CHD6: variants seen among roughly 807,000 people sequenced by gnomAD.
The protein encoded by CHD6 is ATP-dependent chromatin remodeler CHD6.
A neutral mutation model predicts 276.9 loss-of-function variants in CHD6; 50 were observed. The observed-to-expected ratio is 0.18, with a 90% CI of 0.14 to 0.23. The LOEUF (loss-of-function observed/expected upper bound fraction) is 0.23, where lower values mean the gene tolerates loss of function less well. Among genes scored for constraint, CHD6 ranks in the 10% least tolerant of loss-of-function variants. The pLI, the probability that CHD6 is intolerant of heterozygous loss-of-function variation, is 1.00. For missense variants in CHD6, 2,564 were observed against 3,365.8 expected, an observed-to-expected ratio of 0.76 and a Z score of 5.89; for synonymous variants, 1,173 against 1,229.3, an observed-to-expected ratio of 0.95 and a Z score of 0.96.
Position 41,447,948 on chromosome 20 carries a change from A to C in CHD6, c.3707T>G (p.Leu1236Arg), listed in dbSNP as rs1334895977. The C allele has an allele frequency of 6.2e-7, 1 of 1,611,398 alleles. No homozygotes were observed. The highest frequency in any genetic ancestry group is 1.7e-5 in the Admixed American group (1 of 59,626). ...CNKVLLRVRM[L>R]YYLKAEILGE... ...CAGTATTTCAGCTTTTAGGTAGTAC[A>C]GCATCCGGACTCGCAAAAGTACTCT... The change falls in exon 24 of 37, where the codon CTG becomes CGG. Residue 1236 changes from leucine (L) to arginine (R), a missense_variant. By Grantham distance (102) the Leu-to-Arg change is moderately radical (BLOSUM62 -2). Coordinates refer to ENST00000373233, the MANE Select transcript of CHD6 (RefSeq NM_032221.5).
At chr20:41,599,868 T>C (rs539623405) in intron 1 of CHD6, among the ~76,000 whole-genome samples, 109 of 152,276 alleles carry the variant, frequency 7.2e-4, no homozygotes, top group Non-Finnish European at 1.1e-3. Context: ...TTGGCCTTAT[T>C]CCATTTTAAA....
Position 41,415,599 on chromosome 20 carries a change from T to C in CHD6, c.6526A>G (p.Lys2176Glu). Reference sequence around the variant, plus strand: ...TCAAACTCATAGGGACGCCTGTGCTTTTGTTCATCCTTTGTGAATACTGGA... The same window carrying C: ...TCAAACTCATAGGGACGCCTGTGCTCTTGTTCATCCTTTGTGAATACTGGA... ...LAPVFTKDEQ[K>E]HRRPYEFEVE... Residue 2176 changes from lysine to glutamate, a missense_variant, in exon 34 of 37, where the codon AAG (lysine) becomes GAG (glutamate). Lys to Glu is a moderately conservative substitution (Grantham distance 56). This residue lies in a region of CHD6 where 1,024 missense variants were observed against 1,047.9 expected (regional missense o/e 0.98). Coordinates refer to ENST00000373233, the MANE Select transcript of CHD6 (RefSeq NM_032221.5). The C allele has an allele frequency of 6.2e-7, 1 of 1,609,860 alleles. No individual in the cohort carries two copies. Among genetic ancestry groups the C allele is most frequent in the Non-Finnish European group, 8.5e-7 (1 of 1,178,522 alleles).
At position 41,477,121 on chromosome 20, in the gene CHD6, G is replaced by A. The variant is rs553772376; in HGVS notation, c.2469-3604C>T. ...AGGCATGGTGGCCAATGTGCCTATC[G>A]TCCTAGCTACTCAGGAGGAGTAGGT... is the stretch of plus-strand genomic sequence containing the variant. On this transcript the variant is annotated intron_variant, in intron 16 of 36. Coordinates refer to ENST00000373233, the MANE Select transcript of CHD6 (RefSeq NM_032221.5). Among the ~76,000 whole-genome samples the A allele has an allele frequency of 3.3e-5, 5 of 152,150 alleles. No homozygotes were observed. The South Asian group carries it at 8.3e-4, about 25-fold the overall frequency.
At chr20:41,606,851 T>G (rs543754296) in intron 1 of CHD6, among the ~76,000 whole-genome samples, 1 of 152,286 alleles carries the variant, frequency 6.6e-6, no homozygotes, top group African/African-American at 2.4e-5. Flanking sequence ...GATTTTACTG[T>G]TTGTAGCCTG....
intron 2 of CHD6, among the ~76,000 whole-genome samples, chr20:41,538,184 C>T (rs374661206): frequency 3.3e-5 from 5 of 152,072 alleles, no homozygotes; most frequent in Non-Finnish European, 7.4e-5. Context: ...AACTCCCTAT[C>T]TACTAAGAAC....
chr20:41,497,428 G>T lies in CHD6; in HGVS notation c.1048C>A (p.Arg350=), dbSNP rs771505887. 27 of 1,613,636 alleles carry T rather than the reference G, an allele frequency of 1.7e-5. No individual in the cohort carries two copies. Among genetic ancestry groups the T allele is most frequent in the Non-Finnish European group, 2.0e-5 (24 of 1,179,776 alleles). The change falls in exon 8 of 37, where the codon CGA becomes AGA. Residue 350 remains arginine, a synonymous_variant. Coordinates refer to ENST00000373233, the MANE Select transcript of CHD6 (RefSeq NM_032221.5). ...ATCTGGGCTTGTTTATTCCTAAATC[G>T]CTTGATCTTCTGTGCGATGCGAGGA... is the stretch of plus-strand genomic sequence containing the variant. The part of the protein sequence containing the change: ...KDPRIAQKIK[R]FRNKQAQMKH...
intron 1 of CHD6, among the ~76,000 whole-genome samples, chr20:41,612,217 A>G (rs2045894217): frequency 6.6e-6 from 1 of 152,254 alleles, no homozygotes. Context: ...ACAGGTAAGC[A>G]GACCACAGAT....
rs182746288 is a variant in CHD6, at chr20:41,417,912, T to C, written c.6128-563A>G. Among the ~76,000 whole-genome samples the C allele has an allele frequency of 9.9e-4, 151 of 152,356 alleles. 2 individuals are homozygous for C. The highest frequency in any genetic ancestry group is 3.5e-4 in the Non-Finnish European group (24 of 68,036). On this transcript the variant is annotated intron_variant, in intron 31 of 36. Transcript: ENST00000373233. The stretch of plus-strand genomic sequence containing the variant: ...GGACATGTAACTTATTCTTTCAAGC[T>C]TCAGTAATGGTGAAAGTTTATCATC...
chr20:41,530,336 G>A (rs371399666), intron 3 of CHD6, among the ~76,000 whole-genome samples: 1 of 152,210 alleles, frequency 6.6e-6, no homozygotes. Context: ...GACTAGCCAG[G>A]TGGCAGCTGG....
chr20:41,577,041 T>C (rs1259881889), intron 1 of CHD6, among the ~76,000 whole-genome samples: 1 of 152,038 alleles, frequency 6.6e-6, no homozygotes, highest in Admixed American at 6.6e-5. Flanking sequence ...AAAAACAGAA[T>C]GAGGGACAGA....
chr20:41,439,674 G>C (rs1192245953), intron 26 of CHD6, among the ~76,000 whole-genome samples: 1 of 152,216 alleles, frequency 6.6e-6, no homozygotes, highest in Non-Finnish European at 1.5e-5. Flanking sequence ...TGGGAGGTCT[G>C]AATTCTCCCA....
intron 36 of CHD6, among the ~76,000 whole-genome samples, chr20:41,409,240 G>A (rs1214380561): frequency 1.3e-5 from 2 of 152,168 alleles, no homozygotes; most frequent in Non-Finnish European, 2.9e-5. Context: ...CCAGTCAGGT[G>A]CCCCTCCCAG....
chr20:41,527,372 G>C (rs2044566972), intron 3 of CHD6, among the ~76,000 whole-genome samples: 1 of 151,150 alleles, frequency 6.6e-6, no homozygotes, highest in Non-Finnish European at 1.5e-5. Flanking sequence ...AGTGAGCCGA[G>C]ATCACACCAC....
At chr20:41,455,465 C>G (rs2048352585) in intron 19 of CHD6, among the ~76,000 whole-genome samples, 1 of 152,168 alleles carries the variant, frequency 6.6e-6, no homozygotes, top group Non-Finnish European at 1.5e-5. Context: ...TATCAGTGAT[C>G]AAGAAGTGCT....
chr20:41,415,212 C>T lies in CHD6; in HGVS notation c.6913G>A (p.Glu2305Lys). 6.2e-7 allele frequency: 1 copy of T among 1,614,094 alleles called. No homozygotes were observed. The highest frequency in any genetic ancestry group is 8.5e-7 in the Non-Finnish European group (1 of 1,179,982). The change falls in exon 34 of 37, where the codon GAG (glutamate) becomes AAG (lysine). Residue 2305 changes from glutamate to lysine, a missense_variant. This residue lies in a region of CHD6 where 1,024 missense variants were observed against 1,047.9 expected (regional missense o/e 0.98). Coordinates refer to ENST00000373233, the MANE Select transcript of CHD6 (RefSeq NM_032221.5). The stretch of plus-strand genomic sequence containing the variant: ...AAGATTCCCGCCTGAAGTGTCTGCT[C>T]CTTCAAAAAGATGAGGTCCATCCCT... The part of the protein sequence containing the change: ...EGGMDLIFLK[E>K]QTLQAGILEV...
At chr20:41,514,447 T>C (rs946182846) in intron 4 of CHD6, among the ~76,000 whole-genome samples, 1 of 152,146 alleles carries the variant, frequency 6.6e-6, no homozygotes, top group African/African-American at 2.4e-5. Context: ...TATGAAAATA[T>C]CCCTGTACGG....
intron 1 of CHD6, among the ~76,000 whole-genome samples, chr20:41,607,779 A>AC (rs1343350242): frequency 6.6e-6 from 1 of 151,820 alleles, no homozygotes; most frequent in East Asian, 1.9e-4. Context: ...AAAAAAAAAA[A>AC]AAACACCTCA....
At chr20:41,607,156 C>T (rs143086320) in intron 1 of CHD6, among the ~76,000 whole-genome samples, 163 of 152,316 alleles carry the variant, frequency 1.1e-3, no homozygotes, top group African/African-American at 3.7e-3. Flanking sequence ...CCCAGCAACA[C>T]ATTTCTTATG....
intron 25 of CHD6, among the ~76,000 whole-genome samples, chr20:41,444,751 A>C (rs920578681): frequency 2.0e-5 from 3 of 152,214 alleles, no homozygotes; most frequent in Non-Finnish European, 4.4e-5. Context: ...GGTGGTCTAC[A>C]TTTAATGTAA....
Sources: gnomAD v4.1 joint callset for allele counts (sites outside exome capture counted in the v4.1 genomes callset) on GRCh38, gnomAD v4.1.1 for gene constraint, gnomAD v4.1.1 regional missense constraint, MANE v1.5 for transcripts, NCBI Gene and HGNC (gene_info 2026-07-23, HGNC 2026-07-21) for gene names.